Variants in DET1 observed in about 807,000 individuals in gnomAD.
The protein encoded by DET1 is DET1 homolog.
In DET1, 22 loss-of-function variants were observed where a neutral mutation model predicts 43.7. The observed-to-expected ratio is 0.50, with a 90% CI of 0.36 to 0.72. The LOEUF (loss-of-function observed/expected upper bound fraction) is 0.72. Among genes scored for constraint, DET1 ranks in the 30% least tolerant of loss-of-function variants. DET1 has a pLI of 0.00. For missense variants in DET1, 713 were observed against 713.3 expected (o/e 1.00, Z 0.00); for synonymous variants, 315 against 266.2 (o/e 1.18, Z -1.79).
intron 3 of DET1, among the ~76,000 whole-genome samples, chr15:88,521,375 C>T (rs2056485615): frequency 6.6e-6 from 1 of 152,212 alleles, no homozygotes; most frequent in African/African-American, 2.4e-5. Context: ...TCAAACCTAC[C>T]AGTATTCTAA....
chr15:88,527,843 A>G, intron 2 of DET1, 57 bp from the exon 3 acceptor site: 1 of 1,329,928 alleles, frequency 7.5e-7, no homozygotes, highest in Non-Finnish European at 9.8e-7. Context: ...CATGCGTAGG[A>G]AACTTAGCAC....
chr15:88,542,893 C>T (rs1025951243), intron 1 of DET1, among the ~76,000 whole-genome samples: 2 of 152,146 alleles, frequency 1.3e-5, no homozygotes, highest in African/African-American at 2.4e-5. Context: ...CCCACTACTG[C>T]CACAAGAAAA....
At position 88,531,370 on chromosome 15, in the gene DET1, C is replaced by T. The variant is rs747055348; in HGVS notation, c.336G>A (p.Arg112=). The stretch of plus-strand genomic sequence containing the variant: ...AGAGCCGGCCCCGGATATTCACTGA[C>T]CGCTGGTCATTGCCATTGGACAGGA... The part of the protein sequence containing the change: ...GEILSNGNDQ[R]SVNIRGRLFE... The change falls in exon 2 of 5, where the codon CGG becomes CGA. Residue 112 remains arginine, a synonymous_variant. Coordinates refer to ENST00000268148, the MANE Select transcript of DET1 (RefSeq NM_001144074.3). This position sits in a 1 kb window ranked among gnomAD's most constrained non-coding sequence, Gnocchi z 6.2. 2.4e-5 allele frequency: 38 copies of T among 1,613,936 alleles called. No individual in the cohort carries two copies. The highest frequency in any genetic ancestry group is 3.1e-5 in the Non-Finnish European group (36 of 1,179,904).
chr15:88,513,952 A>G (rs993700175), intron 4 of DET1, among the ~76,000 whole-genome samples: 3 of 149,222 alleles, frequency 2.0e-5, no homozygotes, highest in Admixed American at 2.0e-4. Flanking sequence ...GGCGCCCGCT[A>G]CCACGCCCGG....
At chr15:88,520,093 C>A (rs1025347342) in intron 3 of DET1, among the ~76,000 whole-genome samples, 2 of 152,334 alleles carry the variant, frequency 1.3e-5, no homozygotes, top group Admixed American at 1.3e-4. Context: ...AGTGCACTAG[C>A]ACCCAACCCC....
chr15:88,511,431 C>A (rs2056200117), downstream of DET1: 3 of 985,498 alleles, frequency 3.0e-6, no homozygotes, highest in Non-Finnish European at 3.6e-6. Context: ...TGCTTATTTA[C>A]CATTTTCATA....
chr15:88,505,422 A>C (rs963109047), intron 7 of DET1: 2 of 152,254 alleles, frequency 1.3e-5, no homozygotes, highest in African/African-American at 4.8e-5. Context: ...TCCAATGGCA[A>C]ATCTGTGCTT....
Position 88,512,905 on chromosome 15 carries a change from G to C in DET1, c.*46C>G. The C allele has an allele frequency of 2.5e-6, 4 of 1,599,256 alleles. No homozygotes were observed. The highest frequency in any genetic ancestry group is 3.4e-6 in the Non-Finnish European group (4 of 1,169,734). On this transcript the variant is annotated 3_prime_UTR_variant, in exon 5 of 5. Transcript: ENST00000268148. ...CTTTGGAGTCCACTGAGATAAGTGA[G>C]TGGCAAAGTCTTGGAAGACCAGATA...
chr15:88,526,141 G>A (rs191900783), intron 3 of DET1, among the ~76,000 whole-genome samples: 1 of 152,290 alleles, frequency 6.6e-6, no homozygotes, highest in South Asian at 2.1e-4. Context: ...AAAGGAAAAC[G>A]CAAGACAGTT....
downstream of DET1, among the ~76,000 whole-genome samples, chr15:88,509,076 T>C (rs2056170975): frequency 6.6e-6 from 1 of 152,226 alleles, no homozygotes; most frequent in African/African-American, 2.4e-5. Context: ...ATGCAAGTCA[T>C]AGCTAACATG....
chr15:88,545,473 C>G (rs556600697), intron 1 of DET1, among the ~76,000 whole-genome samples: 4 of 152,110 alleles, frequency 2.6e-5, no homozygotes, highest in African/African-American at 9.7e-5. Context: ...ACAACAGGAA[C>G]GAGAAAATAA....
intron 4 of DET1, among the ~76,000 whole-genome samples, chr15:88,514,050 C>T (rs2056276471): frequency 6.6e-6 from 1 of 151,870 alleles, no homozygotes; most frequent in Non-Finnish European, 1.5e-5. Flanking sequence ...CCGCCCGCCT[C>T]GGCCTCCCAA....
intron 1 of DET1, chr15:88,532,006 T>A (rs2056828468): frequency 3.4e-6 from 1 of 298,080 alleles, no homozygotes; most frequent in Non-Finnish European, 6.2e-6. Context: ...ATTTGAACAG[T>A]ATAAGACACA....
At chr15:88,529,944 A>T (rs1257724554) in intron 2 of DET1, among the ~76,000 whole-genome samples, 1 of 152,184 alleles carries the variant, frequency 6.6e-6, no homozygotes. Context: ...CTACTGAAAG[A>T]AAGGCATTCT....
intron 3 of DET1, among the ~76,000 whole-genome samples, chr15:88,524,294 G>A (rs932496049): frequency 1.7e-4 from 26 of 151,722 alleles, no homozygotes; most frequent in Non-Finnish European, 3.2e-4. Flanking sequence ...CGCCCCATCT[G>A]GGAAGTGAGG....
At position 88,525,234 on chromosome 15, in the gene DET1, C is replaced by A. The variant is rs115457497; in HGVS notation, c.1271+2365G>T. Among the ~76,000 whole-genome samples, 1,119 of 152,134 alleles carry A rather than the reference C, an allele frequency of 7.4e-3. 16 individuals are homozygous for A. Among genetic ancestry groups the A allele is most frequent in the African/African-American group, 0.023 (965 of 41,480 alleles). ...AACTTTAAGTATCAATGTTTAATAT[C>A]CACTGAAAATAGCATCCTCTGCAAC... On this transcript the variant is annotated intron_variant, in intron 3 of 4. Coordinates refer to ENST00000268148, the MANE Select transcript of DET1 (RefSeq NM_001144074.3).
Position 88,520,873 on chromosome 15 carries a change from C to T in DET1, c.1272-3900G>A, listed in dbSNP as rs867838058. On this transcript the variant is annotated intron_variant, in intron 3 of 4. Transcript: ENST00000268148. ...ATCCTAGTGGCAGGAAACAGAATGCCATAGCTATTACTTACTGGATCACTG... is the reference window on the plus strand; with the variant it reads ...ATCCTAGTGGCAGGAAACAGAATGCTATAGCTATTACTTACTGGATCACTG... Among the ~76,000 whole-genome samples, 5 of 152,142 alleles carry T rather than the reference C, an allele frequency of 3.3e-5. No individual in the cohort carries two copies. In the South Asian group the frequency reaches 1.0e-3, roughly 32 times the overall value.
rs1343404891 is a variant in DET1, at chr15:88,513,267, A to T, written c.1464-127T>A. The stretch of plus-strand genomic sequence containing the variant: ...TACCTTATTAATGAAATCGCCTCTT[A>T]TATCAGCCCCAGGTTATCAGAAGTA... On this transcript the variant is annotated intron_variant, in intron 4 of 4. Coordinates refer to ENST00000268148, the MANE Select transcript of DET1 (RefSeq NM_001144074.3). 6.2e-6 allele frequency: 6 copies of T among 968,742 alleles called. No homozygotes were observed. The Admixed American group carries it at 1.7e-4, about 28-fold the overall frequency. The allele number at this position is 968,742 out of a possible 1,614,324, so 60.0% of individuals were successfully genotyped here.
chr15:88,545,171 T>TA (rs200677616), intron 1 of DET1, among the ~76,000 whole-genome samples: 1,820 of 149,570 alleles, frequency 0.012, 41 homozygotes, highest in South Asian at 0.038. Flanking sequence ...AATTATGTAC[T>TA]AAAAAAAAAA....
Sources: allele counts gnomAD v4.1 joint callset (sites outside exome capture counted in the v4.1 genomes callset), GRCh38; gene constraint gnomAD v4.1.1; non-coding constraint Gnocchi (gnomAD v3.1); transcripts MANE v1.5; gene names NCBI Gene and HGNC (gene_info 2026-07-23, HGNC 2026-07-21).